The following CEP131 variants were observed in gnomAD, a reference collection of about 807,000 sequenced individuals.
The protein encoded by CEP131 is centrosomal protein of 131 kDa.
A neutral mutation model predicts 136.8 loss-of-function variants in CEP131; 99 were observed. That is an observed-to-expected ratio of 0.72 (90% CI 0.62 to 0.86). The LOEUF (loss-of-function observed/expected upper bound fraction) is 0.86, where lower values mean the gene tolerates loss of function less well. Among genes scored for constraint, CEP131 ranks in the 40% least tolerant of loss-of-function variants. The pLI is 0.00. For missense variants in CEP131, 1,459 were observed against 1,463.0 expected (o/e 1.00, Z 0.04); for synonymous variants, 646 against 612.7 (o/e 1.05, Z -0.80).
chr17:81,195,628 G>A (rs1368374520), intron 16 of CEP131, among the ~76,000 whole-genome samples: 1 of 152,156 alleles, frequency 6.6e-6, no homozygotes, highest in East Asian at 1.9e-4. Context: ...CCACGGCCCC[G>A]CCCCAGAGCC....
At chr17:81,194,774 A>G in intron 17 of CEP131, 96 bp downstream of exon 17, 1 of 1,016,480 alleles carries the variant, frequency 9.8e-7, no homozygotes, top group South Asian at 1.3e-5. Context: ...AAGGTCTCGG[A>G]CTACATGAAT....
At chr17:81,197,627 G>A (rs548854668) in intron 13 of CEP131, 85 bp downstream of exon 13, 4 of 1,488,812 alleles carry the variant, frequency 2.7e-6, no homozygotes, top group African/African-American at 2.9e-5. Context: ...GGGCTGGTGA[G>A]GGGCCTCCTC....
Position 81,192,787 on chromosome 17 carries a change from A to AGCCGCT in CEP131, c.2372_2377dup (p.Gln791_Arg792dup), listed in dbSNP as rs765554710. The AGCCGCT allele has an allele frequency of 3.1e-6, 5 of 1,596,942 alleles. No homozygotes were observed. Among genetic ancestry groups the AGCCGCT allele is most frequent in the African/African-American group, 2.7e-5 (2 of 74,846 alleles). On this transcript the variant is annotated inframe_insertion, in exon 19 of 26. Transcript: ENST00000450824. ...CCTCTCCTCAGCCACCTCACTGTAC[A>AGCCGCT]GCCGCTGCCGTTGCTGCTGCAGCGC... is the stretch of plus-strand genomic sequence containing the variant.
In CEP131 at chr17:81,198,315, G is replaced by T; in HGVS notation, c.1288-18C>A. ...AGAACGTCCTGCAAAAGAGCAGGGA[G>T]ACAGATGCAGCAAGGCTGCTGGTAG... On this transcript the variant is annotated intron_variant, in intron 11 of 25. Transcript: ENST00000450824. The T allele has an allele frequency of 6.3e-7, 1 of 1,576,046 alleles. No individual in the cohort carries two copies. The highest frequency in any genetic ancestry group is 8.6e-7 in the Non-Finnish European group (1 of 1,158,358).
intron 2 of CEP131, among the ~76,000 whole-genome samples, chr17:81,217,233 G>A (rs1167672936): frequency 2.0e-5 from 3 of 152,146 alleles, no homozygotes; most frequent in Non-Finnish European, 4.4e-5. Flanking sequence ...GTCTGGCACC[G>A]ACATCTCTTG....
chr17:81,203,301 G>A lies in CEP131; in HGVS notation c.629+193C>T, dbSNP rs116650023. On this transcript the variant is annotated intron_variant, in intron 6 of 25. Transcript: ENST00000450824. This position sits in a 1 kb window ranked among gnomAD's most constrained non-coding sequence, Gnocchi z 4.6. ...AGCCCGGTTCACAGCTGCTCCACGCGGTTTTACGTGCACTGACCACGTGCC... is the reference window on the plus strand; with the variant it reads ...AGCCCGGTTCACAGCTGCTCCACGCAGTTTTACGTGCACTGACCACGTGCC... Among the ~76,000 whole-genome samples the A allele has an allele frequency of 7.8e-3, 1,188 of 152,310 alleles. 20 individuals are homozygous for A. Among genetic ancestry groups the A allele is most frequent in the African/African-American group, 0.027 (1,130 of 41,558 alleles).
rs1038228460 is a variant in CEP131 at position 81,189,631 on chromosome 17, G to A, written c.*138C>T. 29 of 840,502 alleles carry A rather than the reference G, an allele frequency of 3.5e-5. No homozygotes were observed. Among genetic ancestry groups the A allele is most frequent in the South Asian group, 3.4e-4 (20 of 58,044 alleles). The allele number at this position is 840,502 out of a possible 1,614,324, so 52.1% of individuals were successfully genotyped here. On this transcript the variant is annotated 3_prime_UTR_variant, in exon 26 of 26. Transcript: ENST00000450824. ...CGGCCTCCTTTACTGTTAAAATGCA[G>A]CCACAGGTGCTTAGCCGTGGGCATC...
Position 81,189,718 on chromosome 17 carries a change from A to G in CEP131, c.*51T>C, listed in dbSNP as rs1203733956. ...CCTGTGGGCCTCTGGGCCCACGTCC[A>G]GCCTCTGTCCTCTGCCTTCCGTTCT... On this transcript the variant is annotated 3_prime_UTR_variant, in exon 26 of 26. Transcript: ENST00000450824. 8.5e-6 allele frequency: 13 copies of G among 1,526,372 alleles called. No individual in the cohort carries two copies. Among genetic ancestry groups the G allele is most frequent in the Non-Finnish European group, 1.1e-5 (13 of 1,133,770 alleles). 94.6% of individuals were successfully genotyped at this position (1,526,372 alleles called of 1,614,324 possible).
chr17:81,210,148 C>CGGGA (rs2062100707), intron 2 of CEP131, among the ~76,000 whole-genome samples: 1 of 152,230 alleles, frequency 6.6e-6, no homozygotes, highest in African/African-American at 2.4e-5. Flanking sequence ...AAGTGGCACT[C>CGGGA]ATAAGTACCT....
At position 81,199,566 on chromosome 17, in the gene CEP131, G is replaced by A. The variant is rs756649618; in HGVS notation, c.1024-17C>T. ...TTGCAGCTCCTGCAGTGGGAGCATC[G>A]CTGAGCACTGTCCCTGGGAGAGGAC... On this transcript the variant is annotated splice_polypyrimidine_tract_variant and intron_variant, in intron 9 of 25. Coordinates refer to ENST00000450824, the MANE Select transcript of CEP131 (RefSeq NM_014984.4). 8.3e-5 allele frequency: 132 copies of A among 1,599,156 alleles called. No individual in the cohort carries two copies. The highest frequency in any genetic ancestry group is 3.8e-4 in the Admixed American group (22 of 58,584).
In CEP131 at chr17:81,199,578, C is replaced by T. The variant is rs75140734; in HGVS notation, c.1024-29G>A. 3.1e-3 allele frequency: 4,927 copies of T among 1,596,688 alleles called. 89 individuals carry two copies. The highest frequency in any genetic ancestry group is 0.03 in the African/African-American group (2,255 of 74,658). The stretch of plus-strand genomic sequence containing the variant: ...CAGTGGGAGCATCGCTGAGCACTGT[C>T]CCTGGGAGAGGACGACCCCAGGCTC... On this transcript the variant is annotated intron_variant, in intron 9 of 25. Transcript: ENST00000450824.
intron 8 of CEP131, 102 bp from the exon 9 acceptor site, chr17:81,199,937 G>T: frequency 8.4e-7 from 1 of 1,196,452 alleles, no homozygotes; most frequent in Non-Finnish European, 1.2e-6. Context: ...CCTAGAGTTC[G>T]TGGAATCTCA....
chr17:81,192,286 A>G (rs745631405), intron 21 of CEP131, 32 bp downstream of exon 21: 1 of 1,542,022 alleles, frequency 6.5e-7, no homozygotes, highest in East Asian at 2.4e-5. Context: ...GCAGCCCCCA[A>G]CCCCTGCCCA....
In CEP131 at chr17:81,196,745, G is replaced by A. The variant is rs777092393; in HGVS notation, c.1855C>T (p.His619Tyr). 1.7e-5 allele frequency: 27 copies of A among 1,601,514 alleles called. No individual in the cohort carries two copies. Among genetic ancestry groups the A allele is most frequent in the Non-Finnish European group, 1.9e-5 (22 of 1,176,420 alleles). ...TGCCGCTGGATGGTGGCCTCGTAGT[G>A]CTCCCTCTGCCGCTGCAGCTGCCGG... is the stretch of plus-strand genomic sequence containing the variant. Reference protein sequence around the residue: ...LSRQLQRQREHYEATIQRHLA... With the variant: ...LSRQLQRQREYYEATIQRHLA... Residue 619 changes from histidine (H) to tyrosine (Y), a missense_variant, in exon 15 of 26, where the codon CAC (histidine) becomes TAC (tyrosine). Physicochemically the swap from His to Tyr is moderately conservative, Grantham distance 83. This residue lies in a region of CEP131 where 1,026 missense variants were observed against 964.2 expected (regional missense o/e 1.06). Coordinates refer to ENST00000450824, the MANE Select transcript of CEP131 (RefSeq NM_014984.4).
At chr17:81,194,654 G>C (rs991961211) in intron 17 of CEP131, among the ~76,000 whole-genome samples, 2 of 152,262 alleles carry the variant, frequency 1.3e-5, no homozygotes, top group Non-Finnish European at 1.5e-5. Context: ...GATGCTGGGG[G>C]CTGGGCCAGG....
chr17:81,193,305 G>A lies in CEP131; in HGVS notation c.2322-462C>T, dbSNP rs532970857. Among the ~76,000 whole-genome samples the A allele has an allele frequency of 8.2e-4, 125 of 152,320 alleles. 1 individual carries two copies. The highest frequency in any genetic ancestry group is 2.6e-3 in the African/African-American group (107 of 41,558). ...AGGGCCTCGTCCTGACCCCACCTTC[G>A]AGGAGAGACTGGGGGACCAGCCAAG... On this transcript the variant is annotated intron_variant, in intron 18 of 25. Transcript: ENST00000450824.
intron 10 of CEP131, 97 bp from the exon 11 acceptor site, chr17:81,199,068 C>T (rs868592746): frequency 8.3e-6 from 10 of 1,207,100 alleles, no homozygotes; most frequent in African/African-American, 4.6e-5. Context: ...ATGGGGGAGG[C>T]GGAGGCGACC....
rs1179893855 is a variant in CEP131 at position 81,208,014 on chromosome 17, TCACACCACACACCCA to T, written c.273-790_273-776del. ...AAACCACACCCCAGACACACACCAC[TCACACCACACACCCA>T]CACACCACACACCCCCCACACACAC... On this transcript the variant is annotated intron_variant, in intron 3 of 25. Coordinates refer to ENST00000450824, the MANE Select transcript of CEP131 (RefSeq NM_014984.4). This position sits in a 1 kb window ranked among gnomAD's most constrained non-coding sequence, Gnocchi z 5.6. 3.8e-4 allele frequency among the ~76,000 whole-genome samples: 2 copies of T among 5,220 alleles called. No individual in the cohort carries two copies. The highest frequency in any genetic ancestry group is 1.4e-3 in the African/African-American group (2 of 1,442). 3.4% of individuals were successfully genotyped at this position (5,220 alleles called of 152,430 possible).
At chr17:81,192,879 G>A (rs1395486275) in intron 18 of CEP131, 36 bp from the exon 19 acceptor site, 1 of 1,579,324 alleles carries the variant, frequency 6.3e-7, no homozygotes, top group South Asian at 1.1e-5. Flanking sequence ...CGGGGGCCGG[G>A]ACGGGCGGTC....
Sources: gnomAD v4.1 joint callset for allele counts (sites outside exome capture counted in the v4.1 genomes callset) on GRCh38, gnomAD v4.1.1 for gene constraint, gnomAD v4.1.1 regional missense constraint, Gnocchi (gnomAD v3.1) non-coding constraint, MANE v1.5 for transcripts, NCBI Gene and HGNC (gene_info 2026-07-23, HGNC 2026-07-21) for gene names.